The following ADCY5 variants were observed in gnomAD, a reference collection of about 807,000 sequenced individuals.
The protein encoded by ADCY5 is adenylate cyclase 5.
A neutral mutation model predicts 119.7 loss-of-function variants in ADCY5; 30 were observed. The ratio of observed to expected loss-of-function variants is 0.25; its 90% CI spans 0.19 to 0.34. ADCY5 has a LOEUF of 0.34. ADCY5 is among the 10% of genes least tolerant of loss of function. The probability of loss-of-function intolerance (pLI) is 1.00; values close to 1 mark genes in which losing one functional copy is unlikely to be tolerated. For synonymous variants in ADCY5, 753 were observed against 762.2 expected, an observed-to-expected ratio of 0.99 and a Z score of 0.20; for missense variants, 1,324 against 1,775.2, an observed-to-expected ratio of 0.75 and a Z score of 4.57.
chr3:123,284,833 C>T (rs1938625028), intron 20 of ADCY5, 97 bp from the exon 21 acceptor site: 15 of 1,515,208 alleles, frequency 9.9e-6, no homozygotes, highest in East Asian at 9.1e-5. Flanking sequence ...GCCCTGTTGC[C>T]GCCCCTGACA....
intron 3 of ADCY5, among the ~76,000 whole-genome samples, chr3:123,345,769 G>GACACACACACACACACAC (rs56185421): frequency 6.6e-4 from 75 of 113,828 alleles, no homozygotes; most frequent in East Asian, 2.6e-3. Flanking sequence ...CAGACAGACA[G>GACACACACACACACACAC]ACACACACAC....
intron 1 of ADCY5, among the ~76,000 whole-genome samples, chr3:123,396,763 AAGGAAGGAAGGAAGGAAGGCAGGCAGGC>A (rs1259183228): frequency 1.1e-4 from 10 of 89,270 alleles, no homozygotes; most frequent in Admixed American, 5.4e-4. Context: ...GGAAGGAAGG[AAGGAAGGAAGGAAGGAAGGCAGGCAGGC>A]AGGCAGGCAG....
In ADCY5 at chr3:123,355,897, A is replaced by G. The variant is rs76743793; in HGVS notation, c.1135-3316T>C. Among the ~76,000 whole-genome samples, 286 of 152,320 alleles carry G rather than the reference A, an allele frequency of 1.9e-3. 1 individual carries two copies. Among genetic ancestry groups the G allele is most frequent in the Non-Finnish European group, 2.9e-3 (197 of 68,036 alleles). The stretch of plus-strand genomic sequence containing the variant: ...CCAATCAAGTTAGCAGACTCATACT[A>G]CTCAATTTCAAGACTTACTATAAAG... On this transcript the variant is annotated intron_variant, in intron 1 of 20. Coordinates refer to ENST00000462833, the MANE Select transcript of ADCY5 (RefSeq NM_183357.3).
At chr3:123,357,658 G>A (rs774625165) in intron 1 of ADCY5, among the ~76,000 whole-genome samples, 1 of 152,090 alleles carries the variant, frequency 6.6e-6, no homozygotes, top group Admixed American at 6.5e-5. Flanking sequence ...TTGGAAAGGG[G>A]GATTTCAGCA....
chr3:123,426,282 TTTTTC>T (rs1330632479), intron 1 of ADCY5, among the ~76,000 whole-genome samples: 23 of 141,814 alleles, frequency 1.6e-4, no homozygotes, highest in African/African-American at 5.2e-4. Context: ...TTTTTTTTTC[TTTTTC>T]TTTTCTTTTG....
intron 1 of ADCY5, among the ~76,000 whole-genome samples, chr3:123,366,958 G>A (rs1304931879): frequency 6.6e-6 from 1 of 152,202 alleles, no homozygotes; most frequent in Non-Finnish European, 1.5e-5. Flanking sequence ...CTCTCTAAAT[G>A]GAGATGCTAC....
intron 1 of ADCY5, among the ~76,000 whole-genome samples, chr3:123,394,592 G>A (rs537110108): frequency 1.3e-5 from 2 of 152,328 alleles, no homozygotes; most frequent in South Asian, 4.2e-4. Flanking sequence ...GGAAGGGAAG[G>A]TAGGATGGGG....
At position 123,284,637 on chromosome 3, in the gene ADCY5, A is replaced by G. The variant is rs753179676; in HGVS notation, c.3757T>C (p.Phe1253Leu). 6.2e-7 allele frequency: 1 copy of G among 1,614,242 alleles called. No homozygotes were observed. The highest frequency in any genetic ancestry group is 8.5e-7 in the Non-Finnish European group (1 of 1,180,024). The change falls in exon 21 of 21, where the codon TTC becomes CTC. Residue 1253 changes from phenylalanine to leucine, a missense_variant. Transcript: ENST00000462833. ...CTGAGCGGGGGCCCTCCATTGAGGA[A>G]GTAGGTCATCATCTCGCCTTTGCCC... is the stretch of plus-strand genomic sequence containing the variant. ...VKGKGEMMTY[F>L]LNGGPPLS
chr3:123,310,628 C>G (rs1940515484), intron 12 of ADCY5, among the ~76,000 whole-genome samples: 1 of 152,268 alleles, frequency 6.6e-6, no homozygotes. Flanking sequence ...CTACGAAAAG[C>G]AGTTCTGGGG....
chr3:123,315,762 G>A (rs906918680), intron 11 of ADCY5, among the ~76,000 whole-genome samples: 3 of 152,072 alleles, frequency 2.0e-5, no homozygotes, highest in Non-Finnish European at 2.9e-5. Flanking sequence ...CACCACGCCC[G>A]GCTGATTTTT....
intron 1 of ADCY5, among the ~76,000 whole-genome samples, chr3:123,360,521 T>C (rs1943212016): frequency 6.6e-6 from 1 of 152,140 alleles, no homozygotes; most frequent in Non-Finnish European, 1.5e-5. Context: ...GGACTCTCCA[T>C]TACCAGTAAG....
rs552526234 is a variant in ADCY5, at chr3:123,325,453, T to C, written c.1957A>G (p.Lys653Glu). The C allele has an allele frequency of 6.2e-7, 1 of 1,613,976 alleles. No homozygotes were observed. Among genetic ancestry groups the C allele is most frequent in the East Asian group, 2.2e-5 (1 of 44,860 alleles). The change falls in exon 8 of 21, where the codon AAG (lysine) becomes GAG (glutamate). Residue 653 changes from lysine (K) to glutamate (E), a missense_variant. Physicochemically the swap from Lys to Glu is moderately conservative, Grantham distance 56. This residue lies in a region of ADCY5 where 424 missense variants were observed against 546.8 expected (regional missense o/e 0.78). Transcript: ENST00000462833. Reference sequence around the variant, plus strand: ...CGGTTCATCTTGGCGATCATGGCCTTCTCTTCTTTCTGGAAGACGAACACA... The same window carrying C: ...CGGTTCATCTTGGCGATCATGGCCTCCTCTTCTTTCTGGAAGACGAACACA... The part of the protein sequence containing the change: ...LRCTQKRKEE[K>E]AMIAKMNRQR...
chr3:123,308,656 T>C (rs1280989101), intron 12 of ADCY5, among the ~76,000 whole-genome samples: 3 of 151,936 alleles, frequency 2.0e-5, no homozygotes, highest in East Asian at 2.0e-4. Flanking sequence ...GGTGAAACCA[T>C]GTCTCTACTA....
intron 1 of ADCY5, among the ~76,000 whole-genome samples, chr3:123,430,272 C>T (rs1381055007): frequency 1.3e-5 from 2 of 152,148 alleles, no homozygotes; most frequent in Non-Finnish European, 2.9e-5. Flanking sequence ...GAATACAGGC[C>T]GGACTCAGCC....
intron 12 of ADCY5, among the ~76,000 whole-genome samples, chr3:123,312,685 C>T (rs1940649652): frequency 6.6e-6 from 1 of 152,198 alleles, no homozygotes; most frequent in Non-Finnish European, 1.5e-5. Context: ...TTTCACTCAG[C>T]GTCATGTTTT....
chr3:123,304,289 T>G, intron 12 of ADCY5, 106 bp from the exon 13 acceptor site: 1 of 746,734 alleles, frequency 1.3e-6, no homozygotes, highest in Non-Finnish European at 2.3e-6. Flanking sequence ...CCTGTGTCTC[T>G]CCCCAGCATG....
intron 1 of ADCY5, among the ~76,000 whole-genome samples, chr3:123,414,360 G>A (rs1945135409): frequency 6.6e-6 from 1 of 152,088 alleles, no homozygotes; most frequent in Admixed American, 6.6e-5. Context: ...TGTAAAATGG[G>A]GATGATAATA....
intron 8 of ADCY5, among the ~76,000 whole-genome samples, chr3:123,325,043 A>G (rs1429881596): frequency 6.6e-6 from 1 of 152,228 alleles, no homozygotes; most frequent in East Asian, 1.9e-4. Context: ...GCCTGCTTCC[A>G]GGCTGTGCCG....
chr3:123,350,287 T>C (rs1357794556), intron 2 of ADCY5, among the ~76,000 whole-genome samples: 2 of 152,142 alleles, frequency 1.3e-5, no homozygotes, highest in Admixed American at 6.5e-5. Flanking sequence ...GAGCTGCGTC[T>C]TGTCCAGTGC....
Sources: allele counts gnomAD v4.1 joint callset (sites outside exome capture counted in the v4.1 genomes callset), GRCh38; gene constraint gnomAD v4.1.1; regional missense constraint gnomAD v4.1.1; transcripts MANE v1.5; gene names NCBI Gene and HGNC (gene_info 2026-07-23, HGNC 2026-07-21).